NOVA1: variants seen among roughly 807,000 people sequenced by gnomAD.
NOVA1 encodes RNA-binding protein Nova-1.
NOVA1 carries 7 observed loss-of-function variants against 38.0 expected under a neutral mutation model. That is an observed-to-expected ratio of 0.18 (90% confidence interval 0.10 to 0.35). NOVA1 has a LOEUF of 0.35. Among genes scored for constraint, NOVA1 ranks in the 10% least tolerant of loss-of-function variants. NOVA1 has a pLI of 1.00. For synonymous variants in NOVA1, 270 were observed against 232.5 expected (o/e 1.16, Z -1.47); for missense variants, 460 against 616.0 (o/e 0.75, Z 2.68).
chr14:26,517,803 T>C (rs1271186516), intron 2 of NOVA1, among the ~76,000 whole-genome samples: 1 of 152,170 alleles, frequency 6.6e-6, no homozygotes, highest in Non-Finnish European at 1.5e-5. Flanking sequence ...TAAATCACCA[T>C]TTCCAACAAG....
chr14:26,567,506 G>A (rs1256559098), intron 2 of NOVA1, among the ~76,000 whole-genome samples: 3 of 151,754 alleles, frequency 2.0e-5, no homozygotes, highest in Non-Finnish European at 4.4e-5. Flanking sequence ...ATGTTACCCA[G>A]GCTGGTCTCG....
intron 2 of NOVA1, among the ~76,000 whole-genome samples, chr14:26,522,782 T>C (rs1046878718): frequency 1.7e-4 from 26 of 152,194 alleles, no homozygotes; most frequent in African/African-American, 6.0e-4. Flanking sequence ...TTCAATAACA[T>C]GATAGACTCA....
In NOVA1 at chr14:26,455,768, G is replaced by A. The variant is rs1029608693; in HGVS notation, c.520-6805C>T. 2.6e-5 allele frequency among the ~76,000 whole-genome samples: 4 copies of A among 152,028 alleles called. No individual in the cohort carries two copies. In the South Asian group the frequency reaches 6.2e-4, roughly 24 times the overall value. ...AAGAGAAGCACTTCAAACTATTCCT[G>A]TTGAGATGATGAGCACTCTAGACAT... is the stretch of plus-strand genomic sequence containing the variant. On this transcript the variant is annotated intron_variant, in intron 4 of 4. Coordinates refer to ENST00000539517, the MANE Select transcript of NOVA1 (RefSeq NM_002515.3).
Position 26,448,214 on chromosome 14 carries a change from T to C in NOVA1, c.1269A>G (p.Val423=). 6.2e-7 allele frequency: 1 copy of C among 1,614,240 alleles called. No homozygotes were observed. Among genetic ancestry groups the C allele is most frequent in the African/African-American group, 1.3e-5 (1 of 75,068 alleles). The change falls in exon 5 of 5, where the codon GTA becomes GTG. Residue 423 remains valine, a synonymous_variant. Transcript: ENST00000539517. This position sits in a 1 kb window ranked among gnomAD's most constrained non-coding sequence, Gnocchi z 5.3. The part of the protein sequence containing the change: ...TEKSTDGSKD[V]VEIAVPENLV... ...AGTTTTCTGGCACTGCTATTTCAAC[T>C]ACATCCTTGGATCCATCTGTGGACT...
intron 4 of NOVA1, 85 bp from the exon 5 acceptor site, chr14:26,449,048 T>C (rs575041201): frequency 8.1e-7 from 1 of 1,236,726 alleles, no homozygotes; most frequent in East Asian, 2.4e-5. Context: ...AAAAGTAAAA[T>C]AATAAACTGA....
At chr14:26,505,444 G>T (rs964348903) in intron 2 of NOVA1, among the ~76,000 whole-genome samples, 1 of 151,972 alleles carries the variant, frequency 6.6e-6, no homozygotes, top group African/African-American at 2.4e-5. Context: ...GATGTGCCTT[G>T]CTTCCCTTTA....
chr14:26,585,995 T>C (rs1893491250), intron 2 of NOVA1, among the ~76,000 whole-genome samples: 1 of 151,412 alleles, frequency 6.6e-6, no homozygotes, highest in Non-Finnish European at 1.5e-5. Flanking sequence ...CTCAAATGGT[T>C]CATTCAGTCA....
chr14:26,492,579 G>T (rs1478121243), intron 2 of NOVA1, among the ~76,000 whole-genome samples: 1 of 152,124 alleles, frequency 6.6e-6, no homozygotes, highest in East Asian at 1.9e-4. Context: ...ATACACTGTG[G>T]TAATCTATAT....
At chr14:26,595,595 C>G in intron 1 of NOVA1, 42 bp from the exon 2 acceptor site, 1 of 1,582,030 alleles carries the variant, frequency 6.3e-7, no homozygotes. Context: ...CACAGTATTT[C>G]AAACTTTGTA....
At chr14:26,532,006 G>A (rs931756798) in intron 2 of NOVA1, among the ~76,000 whole-genome samples, 11 of 152,060 alleles carry the variant, frequency 7.2e-5, no homozygotes, top group African/African-American at 1.9e-4. Flanking sequence ...ATACAATTAC[G>A]CAAATTACAA....
chr14:26,588,771 GAATAA>G (rs1236393436), intron 2 of NOVA1, among the ~76,000 whole-genome samples: 2 of 151,358 alleles, frequency 1.3e-5, no homozygotes, highest in Non-Finnish European at 3.0e-5. Flanking sequence ...TGTCAAAAGA[GAATAA>G]AATAATTTAT....
At chr14:26,567,999 G>A (rs1892238050) in intron 2 of NOVA1, among the ~76,000 whole-genome samples, 1 of 152,028 alleles carries the variant, frequency 6.6e-6, no homozygotes, top group Non-Finnish European at 1.5e-5. Context: ...AATACTGATA[G>A]GACTGATAAA....
chr14:26,526,747 T>C (rs1403464371), intron 2 of NOVA1, among the ~76,000 whole-genome samples: 3 of 152,180 alleles, frequency 2.0e-5, no homozygotes, highest in African/African-American at 7.2e-5. Context: ...AAACAATTTG[T>C]CGTTATTTTT....
At chr14:26,469,716 G>T (rs1313865607) in intron 4 of NOVA1, among the ~76,000 whole-genome samples, 1 of 152,060 alleles carries the variant, frequency 6.6e-6, no homozygotes, top group African/African-American at 2.4e-5. Flanking sequence ...CAGCCTCCAG[G>T]TAGCTAGGAT....
intron 2 of NOVA1, among the ~76,000 whole-genome samples, chr14:26,542,074 T>C (rs555458363): frequency 3.6e-4 from 54 of 151,996 alleles, no homozygotes; most frequent in African/African-American, 1.3e-3. Context: ...ATGTCACCAG[T>C]CATATTGGTG....
intron 2 of NOVA1, among the ~76,000 whole-genome samples, chr14:26,567,741 T>C (rs1892222511): frequency 6.6e-6 from 1 of 152,204 alleles, no homozygotes; most frequent in South Asian, 2.1e-4. Flanking sequence ...TTTCCTCAAA[T>C]ACATTAAATC....
intron 2 of NOVA1, among the ~76,000 whole-genome samples, chr14:26,513,384 C>T (rs1395756334): frequency 6.6e-6 from 1 of 151,772 alleles, no homozygotes; most frequent in Non-Finnish European, 1.5e-5. Flanking sequence ...ACTGGCATTA[C>T]ATGCAATGCT....
chr14:26,458,465 T>C (rs1263486780), intron 4 of NOVA1, among the ~76,000 whole-genome samples: 2 of 152,150 alleles, frequency 1.3e-5, no homozygotes, highest in African/African-American at 4.8e-5. Flanking sequence ...AAGTAAAATG[T>C]GGTATATATA....
intron 2 of NOVA1, among the ~76,000 whole-genome samples, chr14:26,529,289 C>T (rs1311128050): frequency 6.6e-6 from 1 of 152,116 alleles, no homozygotes; most frequent in Non-Finnish European, 1.5e-5. Flanking sequence ...AAGCGCCCAC[C>T]ACCATGCCCA....
Sources: allele counts gnomAD v4.1 joint callset (sites outside exome capture counted in the v4.1 genomes callset), GRCh38; gene constraint gnomAD v4.1.1; non-coding constraint Gnocchi (gnomAD v3.1); transcripts MANE v1.5; gene names NCBI Gene and HGNC (gene_info 2026-07-23, HGNC 2026-07-21).